Variants in PTPRN2 observed in about 807,000 individuals in gnomAD.
PTPRN2 encodes the protein receptor-type tyrosine-protein phosphatase N2.
PTPRN2 carries 74 observed loss-of-function variants against 118.8 expected under a neutral mutation model. The ratio of observed to expected loss-of-function variants is 0.62; its 90% CI spans 0.52 to 0.76. The LOEUF is 0.76. Among genes scored for constraint, PTPRN2 ranks in the 30% least tolerant of loss-of-function variants. The probability of loss-of-function intolerance (pLI) is 0.00; values close to 1 mark genes in which losing one functional copy is unlikely to be tolerated. For synonymous variants in PTPRN2, 641 were observed against 608.0 expected (o/e 1.05, Z -0.80); for missense variants, 1,481 against 1,394.4 (o/e 1.06, Z -0.99).
intron 2 of PTPRN2, among the ~76,000 whole-genome samples, chr7:158,458,392 C>T (rs1037737013): frequency 3.0e-4 from 45 of 152,308 alleles, no homozygotes; most frequent in African/African-American, 1.1e-3. Flanking sequence ...GGGGGAAAAG[C>T]TGCCATGTCT....
At chr7:158,064,114 G>A (rs1416758471) in intron 11 of PTPRN2, among the ~76,000 whole-genome samples, 1 of 152,228 alleles carries the variant, frequency 6.6e-6, no homozygotes, top group Non-Finnish European at 1.5e-5. Context: ...TGCTGCTAGA[G>A]GCGACGAGGT....
intron 2 of PTPRN2, among the ~76,000 whole-genome samples, chr7:158,390,444 C>T (rs1448215261): frequency 1.3e-5 from 2 of 152,224 alleles, no homozygotes; most frequent in African/African-American, 4.8e-5. Context: ...GAGGTGAGAC[C>T]TGCGGAGTCT....
At chr7:158,531,669 G>C (rs1825247285) in intron 1 of PTPRN2, among the ~76,000 whole-genome samples, 1 of 152,216 alleles carries the variant, frequency 6.6e-6, no homozygotes, top group Non-Finnish European at 1.5e-5. Context: ...GTGCAGGAAA[G>C]AACAAAACCA....
intron 6 of PTPRN2, among the ~76,000 whole-genome samples, chr7:158,142,823 G>C (rs917759369): frequency 6.6e-6 from 1 of 152,216 alleles, no homozygotes; most frequent in Non-Finnish European, 1.5e-5. Context: ...TGAAGGGCTG[G>C]ACAGTCCCAG....
chr7:158,149,154 C>G (rs1383231836), intron 6 of PTPRN2, among the ~76,000 whole-genome samples: 3 of 126,814 alleles, frequency 2.4e-5, no homozygotes, highest in Non-Finnish European at 4.7e-5. Context: ...GTCTTTCCCC[C>G]TCAGTGACAC....
intron 2 of PTPRN2, among the ~76,000 whole-genome samples, chr7:158,457,776 G>C (rs112196055): frequency 6.8e-6 from 1 of 147,110 alleles, no homozygotes; most frequent in Non-Finnish European, 1.5e-5. Context: ...CAGCGGATGC[G>C]CGGCCCCAGT....
At chr7:157,540,960 T>A (rs1307663695) in intron 22 of PTPRN2, among the ~76,000 whole-genome samples, 175 bp from the exon 23 acceptor site, 1 of 152,260 alleles carries the variant, frequency 6.6e-6, no homozygotes, top group Non-Finnish European at 1.5e-5. Flanking sequence ...AGGCTCAGAT[T>A]TCCTTAGAAA....
rs569704709 is a variant in PTPRN2 at position 157,674,808 on chromosome 7, C to T, written c.2001+7917G>A. Among the ~76,000 whole-genome samples, 1 of 152,236 alleles carries T rather than the reference C, an allele frequency of 6.6e-6. No individual in the cohort carries two copies. Among genetic ancestry groups the T allele is most frequent in the Admixed American group, 6.5e-5 (1 of 15,284 alleles). On this transcript the variant is annotated intron_variant, in intron 13 of 22. Transcript: ENST00000389418. This position sits in a 1 kb window ranked among gnomAD's most constrained non-coding sequence, Gnocchi z 4.5. ...TGTCACCTGGAGATTCCGGCCCTGC[C>T]GGGCGTCTCCTCCCACGCCGAGCTC... is the stretch of plus-strand genomic sequence containing the variant.
At position 157,801,182 on chromosome 7, in the gene PTPRN2, C is replaced by G. The variant is rs1805273861; in HGVS notation, c.1788+97491G>C. On this transcript the variant is annotated intron_variant, in intron 12 of 22. Coordinates refer to ENST00000389418, the MANE Select transcript of PTPRN2 (RefSeq NM_002847.5). The surrounding 1 kb of genome is among the most constrained non-coding windows in gnomAD (Gnocchi z 4.2). ...TGTGGTGTCACAATGCGTCTTGTGCCTCTCATCTGATTCCGCTACACGGTG... is the reference window on the plus strand; with the variant it reads ...TGTGGTGTCACAATGCGTCTTGTGCGTCTCATCTGATTCCGCTACACGGTG... Among the ~76,000 whole-genome samples the G allele has an allele frequency of 1.3e-5, 2 of 152,132 alleles. No homozygotes were observed.
chr7:158,387,765 A>G (rs1811606241), intron 2 of PTPRN2, among the ~76,000 whole-genome samples: 1 of 152,154 alleles, frequency 6.6e-6, no homozygotes, highest in Admixed American at 6.5e-5. Flanking sequence ...ATCCTGCTGT[A>G]GATGGCGGCA....
chr7:158,381,698 G>A (rs12698244), intron 2 of PTPRN2, among the ~76,000 whole-genome samples: 134,677 of 152,136 alleles, frequency 0.89, 60,956 homozygotes, highest in Non-Finnish European at 0.97. Flanking sequence ...CCAATTTACT[G>A]TATTAGTCTG....
intron 6 of PTPRN2, among the ~76,000 whole-genome samples, chr7:158,143,847 C>T (rs1327129111): frequency 1.3e-5 from 2 of 152,198 alleles, no homozygotes; most frequent in African/African-American, 2.4e-5. Context: ...ACTAGCTTGG[C>T]ACAGCAGGCA....
At chr7:158,077,907 T>G (rs1812500048) in intron 11 of PTPRN2, among the ~76,000 whole-genome samples, 1 of 152,232 alleles carries the variant, frequency 6.6e-6, no homozygotes, top group Admixed American at 6.5e-5. Context: ...ACTATGTGAC[T>G]GAGCCACGGA....
intron 11 of PTPRN2, among the ~76,000 whole-genome samples, chr7:158,017,617 C>T (rs1404653829): frequency 5.9e-5 from 9 of 152,196 alleles, no homozygotes; most frequent in Admixed American, 5.2e-4. Context: ...TTGATGCTGA[C>T]GTTGACTAAC....
At chr7:158,337,361 C>A (rs1377381722) in intron 2 of PTPRN2, among the ~76,000 whole-genome samples, 132 of 58,506 alleles carry the variant, frequency 2.3e-3, no homozygotes, top group Middle Eastern at 0.027. Flanking sequence ...TGCAGACGTC[C>A]CTCACACCCA....
At chr7:157,735,550 C>T (rs1480984897) in intron 12 of PTPRN2, among the ~76,000 whole-genome samples, 1 of 152,124 alleles carries the variant, frequency 6.6e-6, no homozygotes, top group Non-Finnish European at 1.5e-5. Flanking sequence ...TTAGGTTGTT[C>T]AAAAGTAATT....
intron 11 of PTPRN2, among the ~76,000 whole-genome samples, chr7:157,956,889 C>G (rs1801216393): frequency 6.6e-6 from 1 of 152,226 alleles, no homozygotes; most frequent in South Asian, 2.1e-4. Context: ...CAATTGCCAC[C>G]AAGTAAAGGG....
chr7:158,488,971 G>C (rs1002910227), intron 2 of PTPRN2, among the ~76,000 whole-genome samples: 1 of 152,252 alleles, frequency 6.6e-6, no homozygotes, highest in African/African-American at 2.4e-5. Flanking sequence ...CCCGGGTGGC[G>C]TCTGCCCTGG....
chr7:158,277,092 C>G (rs1232071008), intron 3 of PTPRN2, among the ~76,000 whole-genome samples: 1 of 152,206 alleles, frequency 6.6e-6, no homozygotes, highest in East Asian at 1.9e-4. Flanking sequence ...CGTCAGAAGC[C>G]ATCCTCTCAC....
Sources: gnomAD v4.1 joint callset for allele counts (sites outside exome capture counted in the v4.1 genomes callset) on GRCh38, gnomAD v4.1.1 for gene constraint, Gnocchi (gnomAD v3.1) non-coding constraint, MANE v1.5 for transcripts, NCBI Gene and HGNC (gene_info 2026-07-23, HGNC 2026-07-21) for gene names.